CENPM: variants seen among roughly 807,000 people sequenced by gnomAD.
CENPM encodes the protein interphase centromere complex protein 39.
A neutral mutation model predicts 19.6 loss-of-function variants in CENPM; 14 were observed. The observed-to-expected ratio is 0.71, with a 90% CI of 0.47 to 1.11. The LOEUF is 1.11. Ranked by LOEUF, CENPM falls within the 50% of genes most tolerant of loss-of-function variation. The pLI, the probability that CENPM is intolerant of heterozygous loss-of-function variation, is 0.00. For missense variants in CENPM, 239 were observed against 228.4 expected (o/e 1.05, Z -0.30); for synonymous variants, 114 against 101.5 (o/e 1.12, Z -0.74).
chr22:41,941,254 C>G (rs528381123), intron 5 of CENPM, among the ~76,000 whole-genome samples: 23 of 152,300 alleles, frequency 1.5e-4, no homozygotes, highest in African/African-American at 5.5e-4. Context: ...GGCTTAAACT[C>G]AATTATGCAG....
intron 4 of CENPM, chr22:41,944,908 T>G: frequency 1.7e-6 from 2 of 1,185,884 alleles, no homozygotes; most frequent in Non-Finnish European, 2.1e-6. Context: ...CCAAAGTATG[T>G]GTATATGTGT....
chr22:41,930,717 G>A, the CENPM span, among the ~76,000 whole-genome samples: 4 of 151,046 alleles, frequency 2.6e-5, no homozygotes, highest in Non-Finnish European at 5.9e-5. Flanking sequence ...GTGGGGTTTC[G>A]CCATGTTGGG....
At position 41,939,000 on chromosome 22, in the gene CENPM, T is replaced by C; in HGVS notation, c.*56A>G. ...CTGACTGGACATCCTCAACAGAGAA[T>C]GTTTATGGAGTCAGCACGAAGCCAT... On this transcript the variant is annotated 3_prime_UTR_variant, in exon 6 of 6. Transcript: ENST00000215980. 6.3e-7 allele frequency: 1 copy of C among 1,593,486 alleles called. No individual in the cohort carries two copies. The highest frequency in any genetic ancestry group is 1.7e-5 in the Admixed American group (1 of 57,950).
At chr22:41,937,840 C>T (rs2077690341), downstream of CENPM, among the ~76,000 whole-genome samples, 1 of 152,068 alleles carries the variant, frequency 6.6e-6, no homozygotes, top group Non-Finnish European at 1.5e-5. Flanking sequence ...CCTTACCCCG[C>T]CCCACTCCTT....
the CENPM span, chr22:41,928,115 C>G: frequency 2.7e-6 from 1 of 376,016 alleles, no homozygotes; most frequent in South Asian, 2.1e-5. This position sits in a 1 kb window ranked among gnomAD's most constrained non-coding sequence, Gnocchi z 4.0. Flanking sequence ...TGGACTGTGG[C>G]TGGGGGACAC....
rs2077743655 is a variant in CENPM at position 41,942,000 on chromosome 22, C to G, written c.402+1610G>C. On this transcript the variant is annotated intron_variant, in intron 5 of 5. Coordinates refer to ENST00000215980, the MANE Select transcript of CENPM (RefSeq NM_024053.5). Reference sequence around the variant, plus strand: ...TCTGCCCTTAGACCAGAGGAGTGCCCTGACACCAGGATAAGGGACCCTGGT... The same window carrying G: ...TCTGCCCTTAGACCAGAGGAGTGCCGTGACACCAGGATAAGGGACCCTGGT... Among the ~76,000 whole-genome samples, 3 of 152,292 alleles carry G rather than the reference C, an allele frequency of 2.0e-5. No homozygotes were observed. In the South Asian group the frequency reaches 6.2e-4, roughly 32 times the overall value.
At chr22:41,941,328 C>T (rs1439805697) in intron 5 of CENPM, among the ~76,000 whole-genome samples, 1 of 152,234 alleles carries the variant, frequency 6.6e-6, no homozygotes, top group African/African-American at 2.4e-5. Flanking sequence ...CCTGGGTGCT[C>T]CATCTGAGGG....
chr22:41,942,301 G>T (rs2146609499), intron 5 of CENPM, among the ~76,000 whole-genome samples: 1 of 152,276 alleles, frequency 6.6e-6, no homozygotes, highest in African/African-American at 2.4e-5. Flanking sequence ...AAGTCATCAG[G>T]ATTTATCCTG....
chr22:41,942,202 C>T (rs1014086675), intron 5 of CENPM, among the ~76,000 whole-genome samples: 73 of 152,364 alleles, frequency 4.8e-4, no homozygotes, highest in African/African-American at 1.7e-3. Context: ...GCAGGCCTGG[C>T]ACATGGGTGT....
intron 5 of CENPM, among the ~76,000 whole-genome samples, 192 bp from the exon 6 acceptor site, chr22:41,939,388 C>A (rs2077705078): frequency 6.6e-6 from 1 of 152,202 alleles, no homozygotes; most frequent in African/African-American, 2.4e-5. Context: ...TCAGCTTGCC[C>A]AATCCTTCAA....
chr22:41,930,513 CT>C, the CENPM span, among the ~76,000 whole-genome samples: 1 of 150,992 alleles, frequency 6.6e-6, no homozygotes, highest in South Asian at 2.1e-4. Context: ...AATTTCTTTT[CT>C]TTTTTTTTGA....
At chr22:41,927,513 CTTT>C in the CENPM span, among the ~76,000 whole-genome samples, 1 of 129,254 alleles carries the variant, frequency 7.7e-6, no homozygotes, top group Non-Finnish European at 1.6e-5. Context: ...CAGACACCTG[CTTT>C]TTTTTTTTTT....
At chr22:41,945,533 C>A (rs2077790443) in intron 3 of CENPM, 1 of 814,072 alleles carries the variant, frequency 1.2e-6, no homozygotes, top group South Asian at 1.9e-5. Context: ...TCACTGCAAC[C>A]TCTGCCTCCT....
chr22:41,939,143 G>A lies in CENPM; in HGVS notation c.456C>T (p.Ile152=), dbSNP rs138055602. The A allele has an allele frequency of 2.9e-4, 465 of 1,612,872 alleles. 5 individuals are homozygous for A. In the East Asian group the frequency reaches 3.3e-3, roughly 11 times the overall value. Residue 152 remains isoleucine, a synonymous_variant, in exon 6 of 6, where the codon ATC becomes ATT. Coordinates refer to ENST00000215980, the MANE Select transcript of CENPM (RefSeq NM_024053.5). ...MAQRLVRVLQ[I]CAGHVPGVSA... is the part of the protein sequence containing the mutation. ...AGACACCGGGCACGTGGCCAGCACA[G>A]ATCTGCAGCACGCGCACCAGGCGCT...
chr22:41,945,258 A>C lies in CENPM; in HGVS notation c.277T>G (p.Phe93Val), dbSNP rs1250703022. The change falls in exon 4 of 6, where the codon TTC becomes GTC. Residue 93 changes from phenylalanine (F) to valine (V), a missense_variant. Physicochemically the swap from Phe to Val is conservative, Grantham distance 50 (BLOSUM62 -1). Coordinates refer to ENST00000215980, the MANE Select transcript of CENPM (RefSeq NM_024053.5). ...GCGAGGAAACACACCTTCCCCAAGAAGAAGCTGGCATCCACATGGCGCAGG... is the reference window on the plus strand; with the variant it reads ...GCGAGGAAACACACCTTCCCCAAGACGAAGCTGGCATCCACATGGCGCAGG... ...ESLRHVDASFFLGKVCFLATG... is the reference protein window; with the variant it reads ...ESLRHVDASFVLGKVCFLATG... The C allele has an allele frequency of 6.2e-7, 1 of 1,613,858 alleles. No homozygotes were observed. Among genetic ancestry groups the C allele is most frequent in the African/African-American group, 1.3e-5 (1 of 74,828 alleles).
the CENPM span, among the ~76,000 whole-genome samples, chr22:41,932,545 TGCACACGTGC>T: frequency 2.0e-5 from 3 of 152,228 alleles, no homozygotes; most frequent in East Asian, 1.9e-4. This position sits in a 1 kb window ranked among gnomAD's most constrained non-coding sequence, Gnocchi z 4.3. Context: ...CGCCACTCCA[TGCACACGTGC>T]GCACACACGC....
At chr22:41,927,932 A>C in the CENPM span, among the ~76,000 whole-genome samples, 11 of 152,310 alleles carry the variant, frequency 7.2e-5, no homozygotes, top group Admixed American at 3.3e-4. Flanking sequence ...GGTGGGCCGG[A>C]AGGCTTCATG....
downstream of CENPM, among the ~76,000 whole-genome samples, chr22:41,937,886 C>T (rs1228709554): frequency 6.6e-6 from 1 of 151,912 alleles, no homozygotes; most frequent in African/African-American, 2.4e-5. Flanking sequence ...CTCTGTCGCC[C>T]AGGCTGGAGT....
chr22:41,946,986 A>G, intron 1 of CENPM, 34 bp downstream of exon 1: 1 of 1,610,426 alleles, frequency 6.2e-7, no homozygotes, highest in South Asian at 1.1e-5. Flanking sequence ...CAGGAGGAAA[A>G]ACCGGCGGGG....
Sources: allele counts gnomAD v4.1 joint callset (sites outside exome capture counted in the v4.1 genomes callset), GRCh38; gene constraint gnomAD v4.1.1; non-coding constraint Gnocchi (gnomAD v3.1); transcripts MANE v1.5; gene names NCBI Gene and HGNC (gene_info 2026-07-23, HGNC 2026-07-21).